The following SRFBP1 variants were observed in gnomAD, a reference collection of about 807,000 sequenced individuals.
SRFBP1 encodes serum response factor-binding protein 1.
A neutral mutation model predicts 45.5 loss-of-function variants in SRFBP1; 47 were observed. That is an observed-to-expected ratio of 1.03 (90% CI 0.82 to 1.32). The LOEUF (loss-of-function observed/expected upper bound fraction) is 1.32. SRFBP1 is among the 40% of genes most tolerant of loss of function. The pLI is 0.00. For synonymous variants in SRFBP1, 203 were observed against 166.3 expected, an observed-to-expected ratio of 1.22 and a Z score of -1.70; for missense variants, 621 against 484.6, an observed-to-expected ratio of 1.28 and a Z score of -2.64.
chr5:122,066,448 C>G (rs1266311730), intron 2 of SRFBP1: 3 of 335,514 alleles, frequency 8.9e-6, no homozygotes, highest in Admixed American at 8.7e-5. Flanking sequence ...TCAAAAGGAA[C>G]ATGAGAAATT....
intron 1 of SRFBP1, among the ~76,000 whole-genome samples, chr5:121,962,561 G>T (rs959453257): frequency 2.6e-5 from 4 of 152,206 alleles, no homozygotes; most frequent in African/African-American, 9.7e-5. Flanking sequence ...CTTCCAGTTA[G>T]TGTCCTATTT....
intron 7 of SRFBP1, among the ~76,000 whole-genome samples, chr5:122,025,578 A>G (rs1182240225): frequency 6.6e-6 from 1 of 152,168 alleles, no homozygotes; most frequent in Non-Finnish European, 1.5e-5. Context: ...AGTCCCACCA[A>G]CAGTGTAAAA....
At chr5:122,063,129 C>T (rs1754209426) in intron 2 of SRFBP1, 1 of 151,812 alleles carries the variant, frequency 6.6e-6, no homozygotes, top group Admixed American at 6.6e-5. Flanking sequence ...ATATCCATGG[C>T]TTATAACATT....
chr5:122,052,544 T>C (rs375203361), intron 2 of SRFBP1, among the ~76,000 whole-genome samples: 15 of 152,344 alleles, frequency 9.8e-5, no homozygotes, highest in African/African-American at 2.4e-4. Flanking sequence ...TATTCTGCTG[T>C]GAATACTGTG....
chr5:121,999,907 A>G (rs1228254836), intron 4 of SRFBP1, among the ~76,000 whole-genome samples: 1 of 152,044 alleles, frequency 6.6e-6, no homozygotes, highest in Admixed American at 6.5e-5. Flanking sequence ...TCTCTCTTTT[A>G]AGTGGTATGT....
chr5:122,072,163 G>A (rs1025165282), intron 2 of SRFBP1, among the ~76,000 whole-genome samples: 3 of 152,070 alleles, frequency 2.0e-5, no homozygotes, highest in South Asian at 2.1e-4. Flanking sequence ...TTTAAGATGG[G>A]TTTACATAAT....
chr5:122,016,862 T>A (rs1239251060), intron 4 of SRFBP1, among the ~76,000 whole-genome samples: 3 of 152,176 alleles, frequency 2.0e-5, no homozygotes, highest in Admixed American at 6.6e-5. Flanking sequence ...AGAAGCTGTG[T>A]CTAATAGTCA....
In SRFBP1 at chr5:122,062,876, G is replaced by GTA. The variant is rs528840900; in HGVS notation, n.312-12437_312-12436dup. Reference sequence around the variant, plus strand: ...TAGCTAGAATTAGATGTGTGTGTGTGTATGTGTGTGTTTATATCTATAGTC... The same window carrying GTA: ...TAGCTAGAATTAGATGTGTGTGTGTGTATATGTGTGTGTTTATATCTATAGTC... On this transcript the variant is annotated intron_variant and non_coding_transcript_variant, in intron 2 of 2. Coordinates refer to the SRFBP1 transcript ENST00000504881. 9.2e-5 allele frequency among the ~76,000 whole-genome samples: 14 copies of GTA among 152,066 alleles called. No individual in the cohort carries two copies. The South Asian group carries it at 2.7e-3, about 29-fold the overall frequency.
intron 3 of SRFBP1, among the ~76,000 whole-genome samples, chr5:121,977,214 T>A (rs898468656): frequency 6.6e-6 from 1 of 152,066 alleles, no homozygotes; most frequent in African/African-American, 2.4e-5. Flanking sequence ...TCCCTGTGAT[T>A]GCGCAATGGA....
intron 2 of SRFBP1, among the ~76,000 whole-genome samples, chr5:122,046,662 AAC>A (rs1172382925): frequency 1.3e-5 from 2 of 152,238 alleles, no homozygotes; most frequent in Non-Finnish European, 2.9e-5. Flanking sequence ...CAATCCCACC[AAC>A]AGTGTAAAAG....
chr5:122,019,320 A>G lies in SRFBP1; in HGVS notation c.331A>G (p.Lys111Glu). Residue 111 changes from lysine (K) to glutamate (E), a missense_variant, in exon 5 of 8, where the codon AAA (lysine) becomes GAA (glutamate). Coordinates refer to ENST00000339397, the MANE Select transcript of SRFBP1 (RefSeq NM_152546.3). ...ARLAVHPLLK[K>E]KIDVLKAAVQ... ...ACTAGCAGTACATCCTCTTCTGAAG[A>G]AAAAGATAGATGTGCTAAAAGGTAT... 6.2e-7 allele frequency: 1 copy of G among 1,612,388 alleles called. No individual in the cohort carries two copies. Among genetic ancestry groups the G allele is most frequent in the Non-Finnish European group, 8.5e-7 (1 of 1,179,050 alleles).
chr5:121,995,976 C>A (rs1175789447), intron 4 of SRFBP1, among the ~76,000 whole-genome samples: 1 of 152,186 alleles, frequency 6.6e-6, no homozygotes, highest in Admixed American at 6.5e-5. Flanking sequence ...GAAGTTGAAT[C>A]TCTTAGTAGA....
chr5:122,066,878 ATGT>A (rs1212616519), intron 2 of SRFBP1: 2 of 642,094 alleles, frequency 3.1e-6, no homozygotes, highest in African/African-American at 3.7e-5. Context: ...AGCAGCAATC[ATGT>A]TGTGAAATTA....
At chr5:122,024,738 C>T (rs150416380) in intron 7 of SRFBP1, among the ~76,000 whole-genome samples, 103 of 152,286 alleles carry the variant, frequency 6.8e-4, no homozygotes, top group African/African-American at 2.3e-3. Flanking sequence ...TATTCACAAA[C>T]ACAGGATAAC....
intron 3 of SRFBP1, among the ~76,000 whole-genome samples, chr5:121,981,281 C>A (rs1186879217): frequency 6.6e-6 from 1 of 151,894 alleles, no homozygotes; most frequent in East Asian, 1.9e-4. Context: ...AGAAAAAGAA[C>A]CAAGAGTATC....
chr5:122,026,792 C>T (rs1339834554), intron 7 of SRFBP1, 150 bp from the exon 8 acceptor site: 2 of 523,358 alleles, frequency 3.8e-6, no homozygotes, highest in Non-Finnish European at 6.4e-6. Context: ...TCAAACTATT[C>T]CCTGTTAGAC....
downstream of SRFBP1, chr5:122,077,680 C>G (rs1309313423): frequency 6.2e-7 from 1 of 1,601,486 alleles, no homozygotes; most frequent in South Asian, 1.1e-5. The surrounding 1 kb of genome is among the most constrained non-coding windows in gnomAD (Gnocchi z 4.9). Flanking sequence ...TCCGCGTTCG[C>G]GCCGCGGCGG....
chr5:121,998,789 A>G (rs1470837774), intron 4 of SRFBP1, among the ~76,000 whole-genome samples: 1 of 152,182 alleles, frequency 6.6e-6, no homozygotes, highest in African/African-American at 2.4e-5. Flanking sequence ...AGGAAACTGG[A>G]ACCCAAAAAG....
chr5:121,964,364 C>T (rs1373497616), intron 1 of SRFBP1, among the ~76,000 whole-genome samples: 1 of 151,992 alleles, frequency 6.6e-6, no homozygotes, highest in East Asian at 1.9e-4. Flanking sequence ...ACCCGACAGG[C>T]CTTGGTGTGT....
Sources: gnomAD v4.1 joint callset for allele counts (sites outside exome capture counted in the v4.1 genomes callset) on GRCh38, gnomAD v4.1.1 for gene constraint, Gnocchi (gnomAD v3.1) non-coding constraint, MANE v1.5 for transcripts, NCBI Gene and HGNC (gene_info 2026-07-23, HGNC 2026-07-21) for gene names.